Variants in CHST9 observed in about 807,000 individuals in gnomAD.
CHST9 encodes the protein GalNAc-4-sulfotransferase 2.
Under a neutral mutation model 44.4 loss-of-function variants are expected in CHST9, and 41 were observed. The observed-to-expected ratio is 0.92, with a 90% CI of 0.72 to 1.20. The LOEUF is 1.20. Among genes scored for constraint, CHST9 ranks in the 50% most tolerant of loss-of-function variants. The pLI, the probability that CHST9 is intolerant of heterozygous loss-of-function variation, is 0.00. For synonymous variants in CHST9, 171 were observed against 178.4 expected (o/e 0.96, Z 0.33); for missense variants, 504 against 516.5 (o/e 0.98, Z 0.23).
intron 3 of CHST9, 106 bp downstream of exon 3, chr18:27,048,354 AACCAT>A (rs752860862): frequency 7.3e-6 from 6 of 822,118 alleles, no homozygotes; most frequent in Non-Finnish European, 1.2e-5. Context: ...TCAGTTCAAA[AACCAT>A]AAACTATTAA....
intron 1 of CHST9, among the ~76,000 whole-genome samples, chr18:27,160,191 T>G (rs2143925570): frequency 6.6e-6 from 1 of 152,290 alleles, no homozygotes; most frequent in African/African-American, 2.4e-5. Context: ...TTGTGCCAGT[T>G]TTCACAGGGA....
At position 26,910,521 on chromosome 18, in the gene CHST9, T is replaced by C. The variant is rs1225351218; in HGVS notation, c.*5738A>G. ...GAACAACTAGAGATCTCCAACCTCA[T>C]CTAAAGGGACTGACCTTGCCTCTGT... On this transcript the variant is annotated 3_prime_UTR_variant, in exon 6 of 6. Coordinates refer to ENST00000618847, the MANE Select transcript of CHST9 (RefSeq NM_031422.6). 1 of 152,148 alleles carries C rather than the reference T, an allele frequency of 6.6e-6. No individual in the cohort carries two copies. The highest frequency in any genetic ancestry group is 1.5e-5 in the Non-Finnish European group (1 of 68,018). The allele number at this position is 152,148 out of a possible 1,614,324, so 9.4% of individuals were successfully genotyped here.
At chr18:27,014,310 A>T (rs2057120682) in intron 4 of CHST9, among the ~76,000 whole-genome samples, 1 of 152,014 alleles carries the variant, frequency 6.6e-6, no homozygotes, top group Admixed American at 6.5e-5. Context: ...AAAATATCTA[A>T]TACAATGAAT....
intron 2 of CHST9, among the ~76,000 whole-genome samples, chr18:27,104,157 G>C (rs939689182): frequency 3.3e-5 from 5 of 152,008 alleles, no homozygotes; most frequent in Non-Finnish European, 5.9e-5. Flanking sequence ...CACTGCACTG[G>C]GTGCCCAAGG....
intron 3 of CHST9, among the ~76,000 whole-genome samples, chr18:27,045,045 A>AG (rs990775186): frequency 5.4e-5 from 8 of 147,430 alleles, no homozygotes; most frequent in African/African-American, 1.5e-4. Context: ...TTTTGAGTTG[A>AG]GAAAAAAAAA....
intron 1 of CHST9, among the ~76,000 whole-genome samples, chr18:27,154,094 AT>A (rs1177474997): frequency 1.3e-5 from 2 of 152,242 alleles, no homozygotes; most frequent in Non-Finnish European, 1.5e-5. Context: ...AAGCCAATAC[AT>A]TTTTATTTCT....
At chr18:27,124,008 G>T (rs1362264115) in intron 2 of CHST9, among the ~76,000 whole-genome samples, 1 of 152,178 alleles carries the variant, frequency 6.6e-6, no homozygotes, top group Non-Finnish European at 1.5e-5. Flanking sequence ...CTGTACAAAG[G>T]AGCTGACAGA....
chr18:26,974,063 C>A (rs1265920224), intron 4 of CHST9, among the ~76,000 whole-genome samples: 1 of 152,228 alleles, frequency 6.6e-6, no homozygotes, highest in South Asian at 2.1e-4. Flanking sequence ...ATTTTGGTGA[C>A]TCCATTTTAT....
At chr18:27,012,292 G>A (rs1363173527) in intron 4 of CHST9, among the ~76,000 whole-genome samples, 1 of 152,002 alleles carries the variant, frequency 6.6e-6, no homozygotes, top group Admixed American at 6.6e-5. Context: ...AAGCCTTACT[G>A]ATAATGTAGT....
chr18:26,969,366 C>CTGTGTG (rs1247934551), intron 4 of CHST9, among the ~76,000 whole-genome samples: 113 of 99,482 alleles, frequency 1.1e-3, no homozygotes, highest in Non-Finnish European at 1.0e-3. Context: ...TTGATTCTCT[C>CTGTGTG]TCTCTCTCTC....
chr18:26,978,263 A>G (rs1568118506), intron 4 of CHST9, among the ~76,000 whole-genome samples: 1 of 142,456 alleles, frequency 7.0e-6, no homozygotes, highest in African/African-American at 2.5e-5. Flanking sequence ...TCTTTTTCTG[A>G]TGTGTGTGTG....
intron 4 of CHST9, among the ~76,000 whole-genome samples, chr18:27,000,423 G>T (rs2145225172): frequency 6.6e-6 from 1 of 152,334 alleles, no homozygotes; most frequent in East Asian, 1.9e-4. Flanking sequence ...TTTAGTCCAG[G>T]TATGCCTTGC....
chr18:26,996,742 T>C (rs1298681512), intron 4 of CHST9, among the ~76,000 whole-genome samples: 1 of 152,184 alleles, frequency 6.6e-6, no homozygotes, highest in African/African-American at 2.4e-5. Context: ...CCCTCCACAG[T>C]GTGCATGTAT....
intron 2 of CHST9, among the ~76,000 whole-genome samples, chr18:27,105,432 T>A (rs1296683939): frequency 2.0e-5 from 3 of 152,126 alleles, no homozygotes; most frequent in Non-Finnish European, 4.4e-5. Context: ...GAGAGTCTCA[T>A]AATAAAGAAC....
chr18:26,954,969 C>G (rs2056301732), intron 4 of CHST9, among the ~76,000 whole-genome samples: 1 of 151,970 alleles, frequency 6.6e-6, no homozygotes, highest in African/African-American at 2.4e-5. Flanking sequence ...ATATATTGAT[C>G]TCAGTGGGTG....
At chr18:27,177,420 G>T (rs547364931) in intron 1 of CHST9, among the ~76,000 whole-genome samples, 42 of 151,170 alleles carry the variant, frequency 2.8e-4, no homozygotes, top group African/African-American at 9.9e-4. Flanking sequence ...GGACCTATAG[G>T]TCACCACTTT....
chr18:26,916,634 T>C lies in CHST9; in HGVS notation c.957A>G (p.Glu319=). The C allele has an allele frequency of 6.2e-7, 1 of 1,613,908 alleles. No homozygotes were observed. Among genetic ancestry groups the C allele is most frequent in the Non-Finnish European group, 8.5e-7 (1 of 1,179,808 alleles). Residue 319 remains glutamate, a synonymous_variant, in exon 6 of 6, where the codon GAA becomes GAG. Coordinates refer to ENST00000618847, the MANE Select transcript of CHST9 (RefSeq NM_031422.6). ...IIKKYRPNAC[E]EALINGSGVK... ...CTCCAGATCCATTAATTAATGCTTC[T>C]TCACAGGCATTTGGTCGATATTTCT... is the stretch of plus-strand genomic sequence containing the variant.
At chr18:26,994,319 G>T (rs568485677) in intron 4 of CHST9, among the ~76,000 whole-genome samples, 1 of 152,224 alleles carries the variant, frequency 6.6e-6, no homozygotes, top group Non-Finnish European at 1.5e-5. Context: ...TTTTCTGAGG[G>T]CTAAAGTGAC....
At chr18:27,098,983 A>G (rs2058144689) in intron 2 of CHST9, among the ~76,000 whole-genome samples, 1 of 152,172 alleles carries the variant, frequency 6.6e-6, no homozygotes, top group Non-Finnish European at 1.5e-5. Flanking sequence ...ACAAGATGGT[A>G]CTGGTACAAA....
Sources: allele counts gnomAD v4.1 joint callset (sites outside exome capture counted in the v4.1 genomes callset), GRCh38; gene constraint gnomAD v4.1.1; transcripts MANE v1.5; gene names NCBI Gene and HGNC (gene_info 2026-07-23, HGNC 2026-07-21).